CCNY: variants seen among roughly 807,000 people sequenced by gnomAD.
CCNY encodes the protein cyclin-Y.
In CCNY, 19 loss-of-function variants were observed where a neutral mutation model predicts 42.8. That is an observed-to-expected ratio of 0.44 (90% CI 0.31 to 0.65). CCNY has a LOEUF of 0.65. Among genes scored for constraint, CCNY ranks in the 30% least tolerant of loss-of-function variants. CCNY has a pLI of 0.07. For missense variants in CCNY, 370 were observed against 437.3 expected (o/e 0.85, Z 1.37); for synonymous variants, 165 against 162.7 (o/e 1.01, Z -0.11).
intron 2 of CCNY, among the ~76,000 whole-genome samples, chr10:35,490,544 T>C (rs1342981678): frequency 6.6e-6 from 1 of 152,230 alleles, no homozygotes; most frequent in African/African-American, 2.4e-5. Context: ...CCTGCACTGC[T>C]GCCCTCGCTG....
At chr10:35,421,883 T>C (rs1170150992) in intron 1 of CCNY, among the ~76,000 whole-genome samples, 3 of 152,208 alleles carry the variant, frequency 2.0e-5, no homozygotes, top group Non-Finnish European at 4.4e-5. Context: ...CAGATATGGT[T>C]CTCAGTGTTG....
At chr10:35,372,865 A>C (rs189886536) in intron 1 of CCNY, among the ~76,000 whole-genome samples, 1 of 152,092 alleles carries the variant, frequency 6.6e-6, no homozygotes, top group African/African-American at 2.4e-5. Context: ...ACACCTGGCT[A>C]ATTTTTGTAT....
intron 1 of CCNY, among the ~76,000 whole-genome samples, chr10:35,388,442 T>A (rs1384100321): frequency 6.6e-6 from 1 of 152,138 alleles, no homozygotes; most frequent in Non-Finnish European, 1.5e-5. Flanking sequence ...GACTGGTGAG[T>A]CTATGAAAGA....
At chr10:35,334,850 A>T (rs751296770), upstream of CCNY, among the ~76,000 whole-genome samples, 1 of 152,242 alleles carries the variant, frequency 6.6e-6, no homozygotes, top group African/African-American at 2.4e-5. Flanking sequence ...CGATGTCCAC[A>T]CATTGCTGAT....
chr10:35,387,988 A>G (rs925884507), intron 1 of CCNY, among the ~76,000 whole-genome samples: 1 of 152,126 alleles, frequency 6.6e-6, no homozygotes, highest in Non-Finnish European at 1.5e-5. Flanking sequence ...ATCTCAAGTA[A>G]GTGAACAAAT....
intron 3 of CCNY, among the ~76,000 whole-genome samples, chr10:35,280,774 T>C (rs1250051765): frequency 6.6e-6 from 1 of 152,094 alleles, no homozygotes; most frequent in African/African-American, 2.4e-5. Flanking sequence ...AGAAAACATT[T>C]ACACTTCAAA....
At chr10:35,378,590 G>A (rs1032558631) in intron 1 of CCNY, among the ~76,000 whole-genome samples, 4 of 152,008 alleles carry the variant, frequency 2.6e-5, no homozygotes, top group Non-Finnish European at 5.9e-5. Context: ...GTTTGAGCAC[G>A]GAGCTAGAAG....
intron 2 of CCNY, 65 bp from the exon 3 acceptor site, chr10:35,501,436 C>T: frequency 1.4e-6 from 2 of 1,403,880 alleles, no homozygotes; most frequent in Non-Finnish European, 2.0e-6. Context: ...GCCCAGTCCT[C>T]ATCCACCTGC....
intron 1 of CCNY, among the ~76,000 whole-genome samples, chr10:35,445,143 G>A (rs549958034): frequency 6.6e-6 from 1 of 152,376 alleles, no homozygotes; most frequent in African/African-American, 2.4e-5. Flanking sequence ...CTGGAAGTCA[G>A]TGGAGGAGTG....
chr10:35,303,277 T>C (rs938026812), intron 3 of CCNY, among the ~76,000 whole-genome samples: 3 of 151,618 alleles, frequency 2.0e-5, no homozygotes, highest in African/African-American at 7.3e-5. Context: ...ACCTCCTGGG[T>C]TCAAGCAATT....
intron 1 of CCNY, among the ~76,000 whole-genome samples, chr10:35,348,580 C>A: frequency 6.6e-6 from 1 of 152,214 alleles, no homozygotes; most frequent in East Asian, 1.9e-4. Flanking sequence ...AAGATGTGAG[C>A]AGAGAATATG....
At chr10:35,563,498 T>C (rs995753266) in intron 8 of CCNY, among the ~76,000 whole-genome samples, 6 of 152,158 alleles carry the variant, frequency 3.9e-5, no homozygotes, top group African/African-American at 1.4e-4. Flanking sequence ...CGGCGGTGTG[T>C]CCATGGCAGC....
chr10:35,565,994 C>A, intron 8 of CCNY, 29 bp from the exon 9 acceptor site: 1 of 1,600,586 alleles, frequency 6.2e-7, no homozygotes, highest in Non-Finnish European at 8.5e-7. Context: ...GGCAGCTAAG[C>A]ATAGGCTATT....
chr10:35,312,796 T>C (rs898274366), intron 3 of CCNY, among the ~76,000 whole-genome samples: 3 of 142,582 alleles, frequency 2.1e-5, no homozygotes, highest in Non-Finnish European at 4.5e-5. Flanking sequence ...CTGTTGCCCA[T>C]GCTGGAGTTC....
In CCNY at chr10:35,451,818, G is replaced by A. The variant is rs143103373; in HGVS notation, c.155-31586G>A. Among the ~76,000 whole-genome samples the A allele has an allele frequency of 5.9e-5, 9 of 152,252 alleles. No homozygotes were observed. In the East Asian group the frequency reaches 1.7e-3, roughly 29 times the overall value. On this transcript the variant is annotated intron_variant, in intron 1 of 9. Coordinates refer to ENST00000374704, the MANE Select transcript of CCNY (RefSeq NM_145012.6). ...CATTACCACCTCACCTCCACGCATG[G>A]CAGGGGCAGGGGGAGCGGTCAGGGC...
At chr10:35,391,931 G>A (rs1837422637) in intron 1 of CCNY, among the ~76,000 whole-genome samples, 1 of 152,026 alleles carries the variant, frequency 6.6e-6, no homozygotes, top group Admixed American at 6.5e-5. Context: ...CTTCTCCCAT[G>A]ACTGTCTCAT....
intron 1 of CCNY, among the ~76,000 whole-genome samples, chr10:35,360,953 C>T (rs868260544): frequency 5.3e-5 from 8 of 152,008 alleles, no homozygotes; most frequent in East Asian, 1.9e-4. Context: ...CTCTGCCTCC[C>T]GGGTTTAAAT....
At chr10:35,543,686 G>A (rs987569884) in intron 7 of CCNY, among the ~76,000 whole-genome samples, 7 of 149,486 alleles carry the variant, frequency 4.7e-5, no homozygotes, top group African/African-American at 1.7e-4. Context: ...ACTTTAGAAT[G>A]TACTCCTTCT....
At chr10:35,548,463 A>G (rs1483622754) in intron 7 of CCNY, among the ~76,000 whole-genome samples, 1 of 151,688 alleles carries the variant, frequency 6.6e-6, no homozygotes, top group Non-Finnish European at 1.5e-5. Flanking sequence ...ATGCCCAGCT[A>G]ATTTTTGTAT....
Sources: allele counts gnomAD v4.1 joint callset (sites outside exome capture counted in the v4.1 genomes callset), GRCh38; gene constraint gnomAD v4.1.1; transcripts MANE v1.5; gene names NCBI Gene and HGNC (gene_info 2026-07-23, HGNC 2026-07-21).